The following ANKS1B variants were observed in gnomAD, a reference collection of about 807,000 sequenced individuals.
The protein encoded by ANKS1B is ankyrin repeat and sterile alpha motif domain-containing protein 1B.
ANKS1B carries 36 observed loss-of-function variants against 148.3 expected under a neutral mutation model. The observed-to-expected ratio is 0.24, with a 90% CI of 0.19 to 0.32. The LOEUF (loss-of-function observed/expected upper bound fraction) is 0.32. ANKS1B is among the 10% of genes least tolerant of loss of function. The probability of loss-of-function intolerance (pLI) is 1.00; values close to 1 mark genes in which losing one functional copy is unlikely to be tolerated. For missense variants in ANKS1B, 1,157 were observed against 1,542.6 expected, an observed-to-expected ratio of 0.75 and a Z score of 4.19; for synonymous variants, 542 against 560.8, an observed-to-expected ratio of 0.97 and a Z score of 0.47.
chr12:99,900,822 T>G lies in ANKS1B; in HGVS notation c.135-75433A>C, dbSNP rs140276793. Among the ~76,000 whole-genome samples, 503 of 152,338 alleles carry G rather than the reference T, an allele frequency of 3.3e-3. 5 individuals are homozygous for G. Among genetic ancestry groups the G allele is most frequent in the African/African-American group, 0.011 (471 of 41,596 alleles). On this transcript the variant is annotated intron_variant, in intron 1 of 26. Transcript: ENST00000683438. ...GATCTTTATTTCTTATATAAAAGAA[T>G]GTTCAGTTAATGTTTGACAAATGAA... is the stretch of plus-strand genomic sequence containing the variant.
intron 12 of ANKS1B, among the ~76,000 whole-genome samples, chr12:99,353,803 G>C (rs1419666963): frequency 6.6e-6 from 1 of 151,946 alleles, no homozygotes; most frequent in Non-Finnish European, 1.5e-5. Flanking sequence ...ACTGGGAAAG[G>C]ATGGAATTTC....
At chr12:99,622,777 C>T (rs1452196070) in intron 9 of ANKS1B, among the ~76,000 whole-genome samples, 2 of 151,870 alleles carry the variant, frequency 1.3e-5, no homozygotes, top group Admixed American at 1.3e-4. Context: ...CCAAAAAAGC[C>T]CTGGACCAGG....
At chr12:99,426,824 A>C (rs182078826) in intron 11 of ANKS1B, among the ~76,000 whole-genome samples, 81 of 152,298 alleles carry the variant, frequency 5.3e-4, no homozygotes, top group African/African-American at 1.9e-3. Context: ...AACCAAACAG[A>C]CATTTGATCC....
At chr12:99,195,623 G>A (rs2081296757) in intron 14 of ANKS1B, among the ~76,000 whole-genome samples, 1 of 152,098 alleles carries the variant, frequency 6.6e-6, no homozygotes, top group South Asian at 2.1e-4. Context: ...GCTTGTAGGA[G>A]TTGGGTCAAA....
At chr12:99,548,838 C>T (rs1011332091) in intron 9 of ANKS1B, among the ~76,000 whole-genome samples, 5 of 152,048 alleles carry the variant, frequency 3.3e-5, no homozygotes, top group African/African-American at 9.7e-5. Context: ...TTAGAAGTTG[C>T]GAAGATCATC....
At chr12:99,190,497 A>G (rs910696620) in intron 14 of ANKS1B, among the ~76,000 whole-genome samples, 2 of 152,206 alleles carry the variant, frequency 1.3e-5, no homozygotes, top group African/African-American at 2.4e-5. Context: ...AAACAGATAT[A>G]CAGAGCAATG....
intron 8 of ANKS1B, among the ~76,000 whole-genome samples, chr12:99,667,281 G>A (rs1448638371): frequency 3.3e-5 from 5 of 151,566 alleles, no homozygotes; most frequent in East Asian, 2.0e-4. Context: ...CCCGGGAGGC[G>A]GAGGTTGCAG....
intron 4 of ANKS1B, among the ~76,000 whole-genome samples, chr12:99,791,110 A>T (rs1381708699): frequency 6.6e-6 from 1 of 152,030 alleles, no homozygotes; most frequent in African/African-American, 2.4e-5. Flanking sequence ...AAACCAAAAA[A>T]CCACAAGAGT....
In ANKS1B at chr12:99,027,346, A is replaced by T. The variant is rs184042907; in HGVS notation, c.2778+25811T>A. Among the ~76,000 whole-genome samples, 726 of 152,322 alleles carry T rather than the reference A, an allele frequency of 4.8e-3. 11 individuals are homozygous for T. Among genetic ancestry groups the T allele is most frequent in the African/African-American group, 0.017 (705 of 41,574 alleles). Reference sequence around the variant, plus strand: ...AGTAAAAAACATCTTGACCAGAAACATAATTGCTAATTCACTGTGTTGGAC... The same window carrying T: ...AGTAAAAAACATCTTGACCAGAAACTTAATTGCTAATTCACTGTGTTGGAC... On this transcript the variant is annotated intron_variant, in intron 17 of 26. Transcript: ENST00000683438.
intron 8 of ANKS1B, among the ~76,000 whole-genome samples, chr12:99,674,626 T>C (rs1307299167): frequency 6.6e-6 from 1 of 151,766 alleles, no homozygotes; most frequent in Non-Finnish European, 1.5e-5. Context: ...AGTGGATTAC[T>C]CAATAAACTA....
chr12:98,860,288 G>T (rs2099592236), intron 17 of ANKS1B, among the ~76,000 whole-genome samples: 1 of 152,222 alleles, frequency 6.6e-6, no homozygotes, highest in Admixed American at 6.5e-5. Context: ...TGCTGAAGCT[G>T]TCCTGTGTCA....
At chr12:99,972,264 A>G (rs1360109459) in intron 1 of ANKS1B, among the ~76,000 whole-genome samples, 4 of 152,250 alleles carry the variant, frequency 2.6e-5, no homozygotes, top group Non-Finnish European at 4.4e-5. Flanking sequence ...CTAGAAATGA[A>G]TAAACTTAGT....
chr12:99,046,558 G>C (rs573471767), intron 17 of ANKS1B, among the ~76,000 whole-genome samples: 1 of 151,990 alleles, frequency 6.6e-6, no homozygotes, highest in South Asian at 2.1e-4. Flanking sequence ...CCAGCACTTT[G>C]GGAGGCCGAG....
chr12:99,753,318 T>C (rs960721986), intron 8 of ANKS1B, among the ~76,000 whole-genome samples: 1 of 152,134 alleles, frequency 6.6e-6, no homozygotes, highest in Admixed American at 6.6e-5. Context: ...GAAATGCCTA[T>C]GATATTTTTA....
intron 14 of ANKS1B, among the ~76,000 whole-genome samples, chr12:99,222,348 T>C (rs2085260669): frequency 6.6e-6 from 1 of 152,152 alleles, no homozygotes; most frequent in Non-Finnish European, 1.5e-5. Flanking sequence ...GAGTGGTGGC[T>C]CATGCCTGTA....
intron 12 of ANKS1B, chr12:99,351,844 C>T (rs931471184): frequency 6.6e-6 from 1 of 152,040 alleles, no homozygotes; most frequent in African/African-American, 2.4e-5. Context: ...CTAGATAATT[C>T]CAGAGATTAG....
intron 8 of ANKS1B, among the ~76,000 whole-genome samples, chr12:99,762,217 C>T (rs998194148): frequency 6.6e-6 from 1 of 152,050 alleles, no homozygotes; most frequent in Non-Finnish European, 1.5e-5. Flanking sequence ...CACATGGAAT[C>T]AAAAACAAGC....
At chr12:98,937,384 T>C (rs573682427) in intron 17 of ANKS1B, among the ~76,000 whole-genome samples, 28 of 152,238 alleles carry the variant, frequency 1.8e-4, no homozygotes, top group African/African-American at 6.5e-4. Flanking sequence ...TTCTTTAGTA[T>C]GGCATTTATG....
intron 15 of ANKS1B, among the ~76,000 whole-genome samples, chr12:99,099,403 C>G (rs974861000): frequency 6.6e-6 from 1 of 152,236 alleles, no homozygotes; most frequent in Non-Finnish European, 1.5e-5. Context: ...TGGGACCCTG[C>G]TCTATCCAGG....
Sources: allele counts gnomAD v4.1 joint callset (sites outside exome capture counted in the v4.1 genomes callset), GRCh38; gene constraint gnomAD v4.1.1; transcripts MANE v1.5; gene names NCBI Gene and HGNC (gene_info 2026-07-23, HGNC 2026-07-21).